FIP1L1: variants seen among roughly 807,000 people sequenced by gnomAD.
FIP1L1 encodes pre-mRNA 3'-end-processing factor FIP1.
In FIP1L1, 21 loss-of-function variants were observed where a neutral mutation model predicts 84.6. The ratio of observed to expected loss-of-function variants is 0.25; its 90% CI spans 0.18 to 0.36. The LOEUF (loss-of-function observed/expected upper bound fraction) is 0.36. Ranked by LOEUF, FIP1L1 falls within the 10% of genes least tolerant of loss-of-function variation. The probability of loss-of-function intolerance (pLI) is 1.00; values close to 1 mark genes in which losing one functional copy is unlikely to be tolerated. For synonymous variants in FIP1L1, 263 were observed against 242.3 expected, an observed-to-expected ratio of 1.09 and a Z score of -0.80; for missense variants, 526 against 751.1, an observed-to-expected ratio of 0.70 and a Z score of 3.50.
intron 17 of FIP1L1, 121 bp from the exon 18 acceptor site, chr4:53,459,181 A>C: frequency 1.4e-6 from 1 of 701,758 alleles, no homozygotes; most frequent in Non-Finnish European, 2.4e-6. Flanking sequence ...ATTTATGAGA[A>C]AATGCATTAG....
In FIP1L1 at chr4:53,460,418, A is replaced by C. The variant is rs545381355; in HGVS notation, c.*969A>C. 56 of 189,598 alleles carry C rather than the reference A, an allele frequency of 3.0e-4. No individual in the cohort carries two copies. The highest frequency in any genetic ancestry group is 1.1e-3 in the African/African-American group (48 of 43,014). The allele number at this position is 189,598 out of a possible 1,614,324, so 11.7% of individuals were successfully genotyped here. ...ATCTTTTAAATAGTGATAATACAAA[A>C]GTAATCTTAATTAGTATCACATACT... is the stretch of plus-strand genomic sequence containing the variant. On this transcript the variant is annotated 3_prime_UTR_variant, in exon 18 of 18. Coordinates refer to ENST00000337488, the MANE Select transcript of FIP1L1 (RefSeq NM_030917.4).
intron 12 of FIP1L1, 75 bp downstream of exon 12, chr4:53,426,040 GATAGTC>G (rs1764208197): frequency 2.0e-6 from 2 of 1,003,082 alleles, no homozygotes; most frequent in South Asian, 1.5e-5. Flanking sequence ...TTATTCAATA[GATAGTC>G]ATAGTGCTAT....
In FIP1L1 at chr4:53,377,683, C is replaced by A. The variant is rs1002739268; in HGVS notation, c.-156C>A. 7.1e-5 allele frequency: 46 copies of A among 645,162 alleles called. No homozygotes were observed. The highest frequency in any genetic ancestry group is 9.8e-5 in the Non-Finnish European group (39 of 398,320). 40.0% of individuals were successfully genotyped at this position (645,162 alleles called of 1,614,324 possible). On this transcript the variant is annotated 5_prime_UTR_variant, in exon 1 of 18. Transcript: ENST00000337488. ...CCTGCGCTGGAGGCTTCATCTTTGC[C>A]GCCGCTGCCGTCGCCTTCCTGGGAT...
intron 11 of FIP1L1, among the ~76,000 whole-genome samples, chr4:53,418,274 C>T (rs1347631954): frequency 2.0e-5 from 3 of 149,222 alleles, no homozygotes; most frequent in African/African-American, 7.3e-5. Context: ...GGAGCCCAAC[C>T]TGGTCTCTAA....
chr4:53,433,651 G>A (rs1372845882), intron 13 of FIP1L1, among the ~76,000 whole-genome samples: 2 of 152,148 alleles, frequency 1.3e-5, no homozygotes, highest in African/African-American at 4.8e-5. Flanking sequence ...ATGTAGCCCA[G>A]TAGTGGAATT....
chr4:53,398,710 A>G (rs1748692270), intron 9 of FIP1L1, among the ~76,000 whole-genome samples: 1 of 152,252 alleles, frequency 6.6e-6, no homozygotes, highest in East Asian at 1.9e-4. Flanking sequence ...AAAGGTGAGT[A>G]TAAAAGCAGA....
chr4:53,444,596 T>C (rs1009938862), intron 15 of FIP1L1, among the ~76,000 whole-genome samples: 1 of 152,308 alleles, frequency 6.6e-6, no homozygotes, highest in African/African-American at 2.4e-5. Context: ...TGCTGTGCAT[T>C]GTACTAATTT....
At chr4:53,411,010 T>A (rs1355920142) in intron 10 of FIP1L1, among the ~76,000 whole-genome samples, 1 of 152,166 alleles carries the variant, frequency 6.6e-6, no homozygotes, top group Non-Finnish European at 1.5e-5. Context: ...TTCTTGAAAT[T>A]AATGGCCATG....
intron 9 of FIP1L1, among the ~76,000 whole-genome samples, chr4:53,398,457 A>C (rs1198390031): frequency 6.6e-6 from 1 of 152,222 alleles, no homozygotes; most frequent in Non-Finnish European, 1.5e-5. Context: ...TTTTCTTCAC[A>C]TAATGATTAG....
chr4:53,392,856 A>G (rs2149401880), intron 9 of FIP1L1, among the ~76,000 whole-genome samples: 2 of 152,338 alleles, frequency 1.3e-5, no homozygotes. Flanking sequence ...AGAGTATTCC[A>G]TTCTGATTGG....
At chr4:53,397,968 C>T (rs1453693702) in intron 9 of FIP1L1, among the ~76,000 whole-genome samples, 1 of 152,124 alleles carries the variant, frequency 6.6e-6, no homozygotes, top group Non-Finnish European at 1.5e-5. Context: ...GGGAGCAATT[C>T]GGACAATAGT....
chr4:53,409,661 C>G (rs560001640), intron 10 of FIP1L1, among the ~76,000 whole-genome samples: 1 of 152,356 alleles, frequency 6.6e-6, no homozygotes, highest in East Asian at 1.9e-4. Flanking sequence ...AGTTTCCTGG[C>G]TGCTTTGTTT....
chr4:53,399,827 T>C lies in FIP1L1; in HGVS notation c.803T>C (p.Leu268Pro), dbSNP rs1328055201. ...TSPPSLFKTG[L>P]PPSRNSTSSQ... is the part of the protein sequence containing the mutation. ...CCTCCTTCTTTGTTCAAGACTGGGCTTCCACCGAGCAGGTTAGTTACATAG... is the reference window on the plus strand; with the variant it reads ...CCTCCTTCTTTGTTCAAGACTGGGCCTCCACCGAGCAGGTTAGTTACATAG... Residue 268 changes from leucine to proline, a missense_variant, in exon 10 of 18, where the codon CTT (leucine) becomes CCT (proline). By Grantham distance (98) the Leu-to-Pro change is moderately conservative. This residue lies in a region of FIP1L1 where 169 missense variants were observed against 206.9 expected (regional missense o/e 0.82). Transcript: ENST00000337488. The C allele has an allele frequency of 1.2e-6, 2 of 1,610,564 alleles. No individual in the cohort carries two copies. Among genetic ancestry groups the C allele is most frequent in the Non-Finnish European group, 1.7e-6 (2 of 1,177,292 alleles).
chr4:53,398,400 A>T (rs537743933), intron 9 of FIP1L1, among the ~76,000 whole-genome samples: 4 of 152,322 alleles, frequency 2.6e-5, no homozygotes, highest in African/African-American at 9.6e-5. Context: ...GGACACTATT[A>T]ATAAGAGAGC....
At chr4:53,379,607 A>G (rs1736709257) in intron 3 of FIP1L1, among the ~76,000 whole-genome samples, 1 of 152,226 alleles carries the variant, frequency 6.6e-6, no homozygotes, top group Non-Finnish European at 1.5e-5. Flanking sequence ...AAATGTTTTT[A>G]AGTAAATCAG....
intron 12 of FIP1L1, 141 bp downstream of exon 12, chr4:53,426,106 T>C (rs1371385837): frequency 8.3e-6 from 4 of 484,098 alleles, no homozygotes; most frequent in Non-Finnish European, 1.4e-5. Context: ...GCCAGTCATT[T>C]ATTATAAAGG....
intron 10 of FIP1L1, among the ~76,000 whole-genome samples, chr4:53,402,122 CAAATACT>C (rs1217957675): frequency 6.6e-6 from 1 of 152,092 alleles, no homozygotes; most frequent in African/African-American, 2.4e-5. Flanking sequence ...TGTCAGCTAT[CAAATACT>C]AAATCCAATT....
chr4:53,435,002 G>T (rs961988427), intron 13 of FIP1L1, among the ~76,000 whole-genome samples: 3 of 152,092 alleles, frequency 2.0e-5, no homozygotes, highest in South Asian at 2.1e-4. Flanking sequence ...TGAATTTTTG[G>T]TCTTACTCAA....
At chr4:53,448,670 G>A (rs1415212153) in intron 15 of FIP1L1, among the ~76,000 whole-genome samples, 1 of 152,068 alleles carries the variant, frequency 6.6e-6, no homozygotes, top group African/African-American at 2.4e-5. Flanking sequence ...TATGTTGCCT[G>A]GCTTCAGAGT....
Sources: allele counts gnomAD v4.1 joint callset (sites outside exome capture counted in the v4.1 genomes callset), GRCh38; gene constraint gnomAD v4.1.1; regional missense constraint gnomAD v4.1.1; transcripts MANE v1.5; gene names NCBI Gene and HGNC (gene_info 2026-07-23, HGNC 2026-07-21).